HRH1: variants seen among roughly 807,000 people sequenced by gnomAD.
HRH1 encodes histamine receptor H1.
Under a neutral mutation model 10.3 loss-of-function variants are expected in HRH1, and 6 were observed. The ratio of observed to expected loss-of-function variants is 0.58; its 90% CI spans 0.32 to 1.15. The LOEUF (loss-of-function observed/expected upper bound fraction) is 1.15. Ranked by LOEUF, HRH1 falls within the 50% of genes most tolerant of loss-of-function variation. HRH1 has a pLI of 0.05. For missense variants in HRH1, 514 were observed against 615.3 expected, an observed-to-expected ratio of 0.84 and a Z score of 1.74; for synonymous variants, 242 against 236.7, an observed-to-expected ratio of 1.02 and a Z score of -0.21.
At chr3:11,192,520 G>C (rs1475957323) in intron 1 of HRH1, among the ~76,000 whole-genome samples, 1 of 152,076 alleles carries the variant, frequency 6.6e-6, no homozygotes. Context: ...TGATAAATAG[G>C]GCTGTTGTGG....
chr3:11,161,180 A>G (rs1936915362), intron 1 of HRH1, among the ~76,000 whole-genome samples: 1 of 152,240 alleles, frequency 6.6e-6, no homozygotes, highest in Non-Finnish European at 1.5e-5. Flanking sequence ...GTTCAGGGGC[A>G]CAGAGCACAG....
intron 1 of HRH1, among the ~76,000 whole-genome samples, chr3:11,184,718 C>G (rs992447750): frequency 6.6e-6 from 1 of 151,974 alleles, no homozygotes; most frequent in African/African-American, 2.4e-5. Context: ...GAGTTCAAGA[C>G]CAGCCTGGCC....
rs762049812 is a variant in HRH1 at position 11,259,306 on chromosome 3, T to C, written c.269T>C (p.Met90Thr). Reference sequence around the variant, plus strand: ...CCTATGAACATCCTCTACCTGCTCATGTCCAAGTGGTCACTGGGCCGTCCT... The same window carrying C: ...CCTATGAACATCCTCTACCTGCTCACGTCCAAGTGGTCACTGGGCCGTCCT... ...VMPMNILYLL[M>T]SKWSLGRPLC... is the part of the protein sequence containing the mutation. The change falls in exon 2 of 2, where the codon ATG becomes ACG. Residue 90 changes from methionine (M) to threonine (T), a missense_variant. Coordinates refer to ENST00000431010, the MANE Select transcript of HRH1 (RefSeq NM_001098212.2). The surrounding 1 kb of genome is among the most constrained non-coding windows in gnomAD (Gnocchi z 4.6). 5 of 1,613,756 alleles carry C rather than the reference T, an allele frequency of 3.1e-6. No homozygotes were observed. Among genetic ancestry groups the C allele is most frequent in the Middle Eastern group, 1.6e-4 (1 of 6,062 alleles).
intron 1 of HRH1, chr3:11,234,379 G>T (rs1575032498): frequency 1.9e-6 from 3 of 1,603,254 alleles, no homozygotes; most frequent in Non-Finnish European, 2.6e-6. Context: ...AGAGGTCTGG[G>T]TATTTCTGCA....
chr3:11,210,243 A>C (rs1283835148), intron 1 of HRH1, among the ~76,000 whole-genome samples: 1 of 152,086 alleles, frequency 6.6e-6, no homozygotes, highest in Admixed American at 6.5e-5. Flanking sequence ...AAGATACAAA[A>C]ATTAGCTGGG....
intron 1 of HRH1, among the ~76,000 whole-genome samples, chr3:11,227,189 C>G (rs1938910814): frequency 6.6e-6 from 1 of 152,114 alleles, no homozygotes. Flanking sequence ...CATCTCTGCT[C>G]TTCAGTCACC....
intron 1 of HRH1, among the ~76,000 whole-genome samples, chr3:11,147,717 A>G (rs186671210): frequency 6.6e-6 from 1 of 152,364 alleles, no homozygotes; most frequent in Admixed American, 6.5e-5. Context: ...ACCCAGATGA[A>G]GCTGATACTA....
intron 1 of HRH1, among the ~76,000 whole-genome samples, chr3:11,166,269 A>C (rs1169407231): frequency 6.6e-6 from 1 of 152,188 alleles, no homozygotes; most frequent in East Asian, 1.9e-4. Flanking sequence ...TATGTGAATT[A>C]TTACCCCATG....
At chr3:11,245,988 C>CCA (rs1012307054) in intron 1 of HRH1, among the ~76,000 whole-genome samples, 2 of 112,168 alleles carry the variant, frequency 1.8e-5, no homozygotes, top group Non-Finnish European at 3.8e-5. Context: ...TACTCAAAAA[C>CCA]CACACACACA....
At chr3:11,204,921 A>G (rs1340911673) in intron 1 of HRH1, among the ~76,000 whole-genome samples, 1 of 151,924 alleles carries the variant, frequency 6.6e-6, no homozygotes, top group African/African-American at 2.4e-5. Context: ...CTGCAGGGAG[A>G]GCCCAACCAG....
intron 1 of HRH1, among the ~76,000 whole-genome samples, chr3:11,231,759 G>A (rs538852119): frequency 2.6e-5 from 4 of 152,200 alleles, no homozygotes; most frequent in East Asian, 1.9e-4. Context: ...ATATGTGGCT[G>A]GCAAATATTT....
intron 1 of HRH1, among the ~76,000 whole-genome samples, chr3:11,214,232 T>C (rs1938419939): frequency 6.6e-6 from 1 of 152,160 alleles, no homozygotes; most frequent in Admixed American, 6.5e-5. Flanking sequence ...TTCCAAAAGC[T>C]GTACAGCAGT....
rs76407082 is a variant in HRH1, at chr3:11,186,462, T to G, written c.-36+31908T>G. Among the ~76,000 whole-genome samples, 374 of 152,244 alleles carry G rather than the reference T, an allele frequency of 2.5e-3. 1 individual carries two copies. Among genetic ancestry groups the G allele is most frequent in the Non-Finnish European group, 4.5e-3 (308 of 68,020 alleles). On this transcript the variant is annotated intron_variant, in intron 1 of 1. Transcript: ENST00000431010. The stretch of plus-strand genomic sequence containing the variant: ...TAGATATCATTATTATTATAACCAT[T>G]TTGCAGAAGTGAAAACTGAGGCCCC...
intron 1 of HRH1, among the ~76,000 whole-genome samples, chr3:11,213,951 G>A (rs1204475231): frequency 6.6e-6 from 1 of 152,186 alleles, no homozygotes; most frequent in African/African-American, 2.4e-5. Flanking sequence ...CTACCCAGGT[G>A]GTTGGAATGA....
intron 1 of HRH1, among the ~76,000 whole-genome samples, chr3:11,219,950 G>GTT (rs552227637): frequency 0.016 from 1,735 of 110,318 alleles, 38 homozygotes; most frequent in African/African-American, 0.05. Flanking sequence ...TTAATGTGTT[G>GTT]TTTTTTTTTT....
At chr3:11,234,289 C>T in intron 1 of HRH1, 1 of 1,567,240 alleles carries the variant, frequency 6.4e-7, no homozygotes, top group Non-Finnish European at 8.8e-7. Context: ...TTGCAGTGGC[C>T]TCAGTGGGAG....
chr3:11,181,948 ATTAAT>A (rs898169809), intron 1 of HRH1, among the ~76,000 whole-genome samples: 2 of 148,732 alleles, frequency 1.3e-5, no homozygotes, highest in African/African-American at 5.0e-5. Flanking sequence ...TCATTTTTAA[ATTAAT>A]TTGTCTTTCC....
intron 1 of HRH1, among the ~76,000 whole-genome samples, chr3:11,238,881 C>G (rs2059763611): frequency 6.6e-6 from 1 of 152,178 alleles, no homozygotes; most frequent in South Asian, 2.1e-4. Context: ...TTTTTATTGA[C>G]AAATGGACCA....
At chr3:11,179,108 C>A (rs920721386) in intron 1 of HRH1, among the ~76,000 whole-genome samples, 9 of 151,946 alleles carry the variant, frequency 5.9e-5, no homozygotes, top group Admixed American at 2.0e-4. Flanking sequence ...GCCAACATGG[C>A]AAAACCCCGT....
Sources: gnomAD v4.1 joint callset for allele counts (sites outside exome capture counted in the v4.1 genomes callset) on GRCh38, gnomAD v4.1.1 for gene constraint, Gnocchi (gnomAD v3.1) non-coding constraint, MANE v1.5 for transcripts, NCBI Gene and HGNC (gene_info 2026-07-23, HGNC 2026-07-21) for gene names.